MAP3K20: variants seen among roughly 807,000 people sequenced by gnomAD.
MAP3K20 encodes HCCS-4.
A neutral mutation model predicts 85.7 loss-of-function variants in MAP3K20; 40 were observed. That is an observed-to-expected ratio of 0.47 (90% CI 0.36 to 0.61). The LOEUF (loss-of-function observed/expected upper bound fraction) is 0.61, where lower values mean the gene tolerates loss of function less well. Among genes scored for constraint, MAP3K20 ranks in the 20% least tolerant of loss-of-function variants. The pLI, the probability that MAP3K20 is intolerant of heterozygous loss-of-function variation, is 0.00. For missense variants in MAP3K20, 817 were observed against 961.7 expected, an observed-to-expected ratio of 0.85 and a Z score of 1.99; for synonymous variants, 325 against 327.7, an observed-to-expected ratio of 0.99 and a Z score of 0.09.
At chr2:173,171,010 A>G (rs1452233974) in intron 3 of MAP3K20, among the ~76,000 whole-genome samples, 2 of 152,242 alleles carry the variant, frequency 1.3e-5, no homozygotes, top group African/African-American at 2.4e-5. Context: ...TACTCTTAGT[A>G]GCATTTTAAC....
chr2:173,258,273 A>G (rs1685204470), intron 16 of MAP3K20, among the ~76,000 whole-genome samples: 1 of 152,212 alleles, frequency 6.6e-6, no homozygotes, highest in African/African-American at 2.4e-5. Context: ...GTGGATCAAG[A>G]GGGCCTTATG....
intron 16 of MAP3K20, among the ~76,000 whole-genome samples, chr2:173,255,806 C>G (rs1368969173): frequency 6.6e-6 from 1 of 152,176 alleles, no homozygotes; most frequent in Non-Finnish European, 1.5e-5. Context: ...ACTAAGTAAA[C>G]TCATCTCTTC....
chr2:173,248,901 A>C (rs1684983026), intron 16 of MAP3K20, among the ~76,000 whole-genome samples: 1 of 152,188 alleles, frequency 6.6e-6, no homozygotes, highest in African/African-American at 2.4e-5. Context: ...GGCTCAAATA[A>C]ATTACAAGCA....
chr2:173,195,340 G>C (rs911419641), intron 7 of MAP3K20, among the ~76,000 whole-genome samples: 2 of 152,188 alleles, frequency 1.3e-5, no homozygotes, highest in African/African-American at 2.4e-5. Flanking sequence ...TCCAGAACAA[G>C]CTGGGCTCAG....
chr2:173,148,024 G>A (rs74438149), intron 2 of MAP3K20, among the ~76,000 whole-genome samples: 8,138 of 152,204 alleles, frequency 0.053, 320 homozygotes, highest in Middle Eastern at 0.12. Context: ...GACTTTGACC[G>A]AGAAGCATTA....
chr2:173,222,356 A>C, intron 11 of MAP3K20: 1 of 985,924 alleles, frequency 1.0e-6, no homozygotes, highest in Non-Finnish European at 1.2e-6. Flanking sequence ...GTAAAGCCTG[A>C]GCAGTGTTCT....
At chr2:173,250,843 A>G (rs1685026434) in intron 16 of MAP3K20, among the ~76,000 whole-genome samples, 1 of 152,244 alleles carries the variant, frequency 6.6e-6, no homozygotes, top group African/African-American at 2.4e-5. Context: ...CTCATGGGAC[A>G]AAGCCATGGT....
At position 173,198,048 on chromosome 2, in the gene MAP3K20, G is replaced by C; in HGVS notation, c.605G>C (p.Arg202Thr). 6.2e-7 allele frequency: 1 copy of C among 1,612,596 alleles called. No individual in the cohort carries two copies. The highest frequency in any genetic ancestry group is 8.5e-7 in the Non-Finnish European group (1 of 1,179,138). Residue 202 changes from arginine to threonine, a missense_variant, in exon 8 of 20, where the codon AGG (arginine) becomes ACG (threonine). Transcript: ENST00000375213. The surrounding 1 kb of genome is among the most constrained non-coding windows in gnomAD (Gnocchi z 5.8). ...YGVVLWEMLT[R>T]EVPFKGLEGL... ...CAGGTTCTCTGGGAGATGCTAACAA[G>C]GGAGGTCCCCTTTAAAGGTTTGGAA... is the stretch of plus-strand genomic sequence containing the variant.
In MAP3K20 at chr2:173,208,527, G is replaced by C. The variant is rs150610307; in HGVS notation, c.745-1202G>C. ...AGGGCATTTTCCTCTTTGCTTATTA[G>C]AAGGCTTAATATATATCAGTAACAT... On this transcript the variant is annotated intron_variant, in intron 9 of 19. Transcript: ENST00000375213. Among the ~76,000 whole-genome samples, 71 of 152,234 alleles carry C rather than the reference G, an allele frequency of 4.7e-4. 1 individual carries two copies. Among genetic ancestry groups the C allele is most frequent in the African/African-American group, 1.6e-3 (67 of 41,540 alleles).
chr2:173,105,897 T>G (rs1687771849), intron 2 of MAP3K20, among the ~76,000 whole-genome samples: 1 of 152,176 alleles, frequency 6.6e-6, no homozygotes, highest in Admixed American at 6.5e-5. Flanking sequence ...TTAAAATGGT[T>G]TAATTGGTAA....
At chr2:173,167,760 A>G (rs1433743281) in intron 2 of MAP3K20, among the ~76,000 whole-genome samples, 2 of 152,210 alleles carry the variant, frequency 1.3e-5, no homozygotes, top group Non-Finnish European at 2.9e-5. Flanking sequence ...AAACATGGAA[A>G]CTAGCTGGCA....
chr2:173,198,344 T>C lies in MAP3K20; in HGVS notation c.669+232T>C, dbSNP rs1690919942. The C allele has an allele frequency of 3.4e-6, 1 of 295,780 alleles. No homozygotes were observed. The highest frequency in any genetic ancestry group is 7.3e-5 in the East Asian group (1 of 13,688). 18.3% of individuals were successfully genotyped at this position (295,780 alleles called of 1,614,324 possible). On this transcript the variant is annotated intron_variant, in intron 8 of 19. Coordinates refer to ENST00000375213, the MANE Select transcript of MAP3K20 (RefSeq NM_016653.3). This position sits in a 1 kb window ranked among gnomAD's most constrained non-coding sequence, Gnocchi z 5.8. Reference sequence around the variant, plus strand: ...TGTAGATCAAAAATTGTACAAGTACTGTACTAGTTTCTCAGTCTCAATTGT... The same window carrying C: ...TGTAGATCAAAAATTGTACAAGTACCGTACTAGTTTCTCAGTCTCAATTGT...
intron 14 of MAP3K20, among the ~76,000 whole-genome samples, chr2:173,237,801 T>A (rs1195483099): frequency 6.6e-6 from 1 of 152,210 alleles, no homozygotes; most frequent in Non-Finnish European, 1.5e-5. Context: ...CAACAGAACA[T>A]CCACTTCTCA....
intron 14 of MAP3K20, among the ~76,000 whole-genome samples, chr2:173,234,540 A>G (rs2106333319): frequency 6.6e-6 from 1 of 152,324 alleles, no homozygotes; most frequent in Middle Eastern, 3.4e-3. Flanking sequence ...TGGAGAGGGT[A>G]AACTTCACAG....
chr2:173,238,129 C>T (rs76936042), intron 14 of MAP3K20, among the ~76,000 whole-genome samples: 2,097 of 152,250 alleles, frequency 0.014, 26 homozygotes, highest in Non-Finnish European at 0.022. Flanking sequence ...CCAGCCTGCA[C>T]GACAGAATGA....
chr2:173,230,308 C>T (rs903561610), intron 12 of MAP3K20, among the ~76,000 whole-genome samples: 1 of 151,898 alleles, frequency 6.6e-6, no homozygotes, highest in African/African-American at 2.4e-5. Flanking sequence ...AACAAATGAA[C>T]ATACTTGAAA....
chr2:173,168,427 C>T (rs999532338), intron 2 of MAP3K20, among the ~76,000 whole-genome samples: 1 of 152,140 alleles, frequency 6.6e-6, no homozygotes, highest in Admixed American at 6.5e-5. Flanking sequence ...GACCCTATGC[C>T]GACCCTCAAA....
intron 16 of MAP3K20, among the ~76,000 whole-genome samples, chr2:173,245,198 C>G (rs1684885951): frequency 6.6e-6 from 1 of 152,140 alleles, no homozygotes; most frequent in South Asian, 2.1e-4. Flanking sequence ...GAAAATATTA[C>G]CTTATACACA....
intron 2 of MAP3K20, among the ~76,000 whole-genome samples, chr2:173,113,254 C>T (rs913547770): frequency 6.6e-6 from 1 of 151,944 alleles, no homozygotes; most frequent in Non-Finnish European, 1.5e-5. Flanking sequence ...TGTTTTGTTT[C>T]TTAGTGGGGT....
Sources: allele counts gnomAD v4.1 joint callset (sites outside exome capture counted in the v4.1 genomes callset), GRCh38; gene constraint gnomAD v4.1.1; non-coding constraint Gnocchi (gnomAD v3.1); transcripts MANE v1.5; gene names NCBI Gene and HGNC (gene_info 2026-07-23, HGNC 2026-07-21).